Variants in NCALD observed in about 807,000 individuals in gnomAD.
NCALD encodes neurocalcin-delta.
A neutral mutation model predicts 18.6 loss-of-function variants in NCALD; 10 were observed. The ratio of observed to expected loss-of-function variants is 0.54; its 90% CI spans 0.33 to 0.91. NCALD has a LOEUF of 0.91. Among genes scored for constraint, NCALD ranks in the 40% least tolerant of loss-of-function variants. The probability of loss-of-function intolerance (pLI) is 0.03; values close to 1 mark genes in which losing one functional copy is unlikely to be tolerated. For missense variants in NCALD, 184 were observed against 247.6 expected, an observed-to-expected ratio of 0.74 and a Z score of 1.72; for synonymous variants, 88 against 87.4, an observed-to-expected ratio of 1.01 and a Z score of -0.04.
At chr8:101,740,811 G>A (rs956413560) in intron 1 of NCALD, among the ~76,000 whole-genome samples, 1 of 152,130 alleles carries the variant, frequency 6.6e-6, no homozygotes, top group Non-Finnish European at 1.5e-5. Context: ...TGTGTGCCTG[G>A]CTGGGTTTAC....
intron 4 of NCALD, among the ~76,000 whole-genome samples, chr8:101,864,911 T>C (rs940946371): frequency 3.3e-5 from 5 of 152,190 alleles, no homozygotes; most frequent in Non-Finnish European, 2.9e-5. Context: ...GTTCCAATTT[T>C]CTAGAAGGAC....
intron 1 of NCALD, among the ~76,000 whole-genome samples, chr8:101,748,334 T>C (rs1013279188): frequency 3.9e-5 from 6 of 152,154 alleles, no homozygotes; most frequent in Non-Finnish European, 8.8e-5. Flanking sequence ...CACAAGCAAA[T>C]TGTAGGATCA....
At position 101,886,325 on chromosome 8, in the gene NCALD, C is replaced by T. The variant is rs768321228; in HGVS notation, c.-20+816G>A. 5.9e-5 allele frequency among the ~76,000 whole-genome samples: 9 copies of T among 152,252 alleles called. No individual in the cohort carries two copies. The South Asian group carries it at 8.3e-4, about 14-fold the overall frequency. On this transcript the variant is annotated intron_variant, in intron 4 of 6. Coordinates refer to the NCALD transcript ENST00000311028. Reference sequence around the variant, plus strand: ...GTTTCATTTGATATCAATGTATCTGCCCTGCCCCCATTTATTTTATTTTCT... The same window carrying T: ...GTTTCATTTGATATCAATGTATCTGTCCTGCCCCCATTTATTTTATTTTCT...
At chr8:101,973,098 C>G (rs1482259516) in intron 2 of NCALD, among the ~76,000 whole-genome samples, 1 of 151,848 alleles carries the variant, frequency 6.6e-6, no homozygotes, top group Non-Finnish European at 1.5e-5. Flanking sequence ...AGGGCCAGCA[C>G]TCTAACAAGG....
chr8:102,025,459 A>T (rs1481421472), intron 1 of NCALD, among the ~76,000 whole-genome samples: 1 of 152,202 alleles, frequency 6.6e-6, no homozygotes, highest in Admixed American at 6.5e-5. Context: ...TTCAAAGTTC[A>T]TCCCCAGACT....
At chr8:102,072,733 A>G (rs1201939100) in intron 1 of NCALD, among the ~76,000 whole-genome samples, 1 of 152,220 alleles carries the variant, frequency 6.6e-6, no homozygotes, top group Non-Finnish European at 1.5e-5. Flanking sequence ...TAAGCTATAC[A>G]AAGCCAAAAT....
At chr8:101,873,257 C>T (rs987115909) in intron 4 of NCALD, among the ~76,000 whole-genome samples, 5 of 152,214 alleles carry the variant, frequency 3.3e-5, no homozygotes, top group African/African-American at 4.8e-5. Context: ...AAAGGGCTCC[C>T]TCAGATTTTC....
At chr8:101,719,945 G>T (rs1023246291) in intron 1 of NCALD, among the ~76,000 whole-genome samples, 1 of 152,164 alleles carries the variant, frequency 6.6e-6, no homozygotes. Flanking sequence ...GGGAAATGAG[G>T]GCAGGGAGAG....
rs1164783292 is a variant in NCALD, at chr8:101,719,243, T to G, written c.378+9A>C. The G allele has an allele frequency of 6.2e-7, 1 of 1,611,420 alleles. No individual in the cohort carries two copies. The highest frequency in any genetic ancestry group is 8.5e-7 in the Non-Finnish European group (1 of 1,178,812). ...GCCCTTCTTTTTTTAAAGGGCTCAG[T>G]CTACGTACCTGCACGATCTCTAGCA... On this transcript the variant is annotated intron_variant, in intron 2 of 3. Transcript: ENST00000220931.
At chr8:101,929,945 C>T (rs1006056952) in intron 2 of NCALD, among the ~76,000 whole-genome samples, 6 of 152,028 alleles carry the variant, frequency 3.9e-5, no homozygotes, top group African/African-American at 1.5e-4. Context: ...ATCCCAACTG[C>T]TCAGGAGGCT....
chr8:101,743,889 G>A (rs560613245), intron 1 of NCALD, among the ~76,000 whole-genome samples: 68 of 152,320 alleles, frequency 4.5e-4, no homozygotes, highest in Non-Finnish European at 6.5e-4. Context: ...ACAGTAAGTG[G>A]GAAAGGATCC....
chr8:101,908,730 G>A (rs2131594987), intron 3 of NCALD, among the ~76,000 whole-genome samples: 1 of 152,294 alleles, frequency 6.6e-6, no homozygotes, highest in East Asian at 1.9e-4. Flanking sequence ...ATAGTCCAAT[G>A]GAGGAGAGAG....
At chr8:102,117,279 T>C (rs566883534) in intron 1 of NCALD, among the ~76,000 whole-genome samples, 1 of 152,358 alleles carries the variant, frequency 6.6e-6, no homozygotes, top group East Asian at 1.9e-4. Context: ...CCAGGGACTA[T>C]ATGAAGCCTT....
At chr8:101,764,200 T>A (rs9642973) in intron 1 of NCALD, among the ~76,000 whole-genome samples, 13,841 of 152,152 alleles carry the variant, frequency 0.091, 1,456 homozygotes, top group African/African-American at 0.25. Context: ...TAAGACTGGA[T>A]GTGCTCATTG....
chr8:102,000,599 C>T (rs1346493211), intron 2 of NCALD, among the ~76,000 whole-genome samples: 4 of 152,186 alleles, frequency 2.6e-5, no homozygotes, highest in African/African-American at 4.8e-5. Context: ...CCCTGAACCC[C>T]GAATAGCCTA....
chr8:101,879,377 T>C (rs1481510168), intron 4 of NCALD, among the ~76,000 whole-genome samples: 3 of 152,178 alleles, frequency 2.0e-5, no homozygotes, highest in Non-Finnish European at 4.4e-5. Flanking sequence ...GCGGGGAGTA[T>C]TACAGCTCTT....
At chr8:102,058,927 A>G (rs1018994992) in intron 1 of NCALD, among the ~76,000 whole-genome samples, 27 of 152,152 alleles carry the variant, frequency 1.8e-4, no homozygotes, top group Admixed American at 1.7e-3. Context: ...TTGAAGATGG[A>G]GGAGGGGGCT....
At chr8:101,692,755 C>G (rs769734282) in intron 3 of NCALD, 36 bp downstream of exon 3, 1 of 1,566,432 alleles carries the variant, frequency 6.4e-7, no homozygotes, top group South Asian at 1.1e-5. Flanking sequence ...CCAGCAGCCC[C>G]CATCTGAGCA....
intron 2 of NCALD, among the ~76,000 whole-genome samples, chr8:101,702,273 C>G (rs1221578836): frequency 6.6e-6 from 1 of 151,848 alleles, no homozygotes; most frequent in Non-Finnish European, 1.5e-5. Flanking sequence ...CTCTGTCTCC[C>G]AGGCTGGAAT....
Sources: gnomAD v4.1 joint callset for allele counts (sites outside exome capture counted in the v4.1 genomes callset) on GRCh38, gnomAD v4.1.1 for gene constraint, MANE v1.5 for transcripts, NCBI Gene and HGNC (gene_info 2026-07-23, HGNC 2026-07-21) for gene names.